ZCWPW2: variants seen among roughly 807,000 people sequenced by gnomAD.
ZCWPW2 encodes zinc finger CW-type PWWP domain protein 2.
Under a neutral mutation model 46.6 loss-of-function variants are expected in ZCWPW2, and 45 were observed. The observed-to-expected ratio is 0.96, with a 90% CI of 0.76 to 1.24. The LOEUF (loss-of-function observed/expected upper bound fraction) is 1.24. ZCWPW2 is among the 50% of genes most tolerant of loss of function. The pLI, the probability that ZCWPW2 is intolerant of heterozygous loss-of-function variation, is 0.00. For synonymous variants in ZCWPW2, 152 were observed against 137.1 expected, an observed-to-expected ratio of 1.11 and a Z score of -0.76; for missense variants, 429 against 403.9, an observed-to-expected ratio of 1.06 and a Z score of -0.53.
intron 4 of ZCWPW2, among the ~76,000 whole-genome samples, chr3:28,438,982 T>A (rs2125767815): frequency 6.6e-6 from 1 of 151,558 alleles, no homozygotes; most frequent in African/African-American, 2.4e-5. Context: ...TGAGTCTCAG[T>A]GTATTAGTCA....
At chr3:28,365,996 G>A (rs1350078085) in intron 1 of ZCWPW2, among the ~76,000 whole-genome samples, 20 of 150,780 alleles carry the variant, frequency 1.3e-4, no homozygotes, top group South Asian at 6.3e-4. Context: ...TTGATTTTGC[G>A]TCCTGAGACT....
At chr3:28,352,158 ACACACACAC>A (rs1479497055) in intron 1 of ZCWPW2, among the ~76,000 whole-genome samples, 10 of 147,398 alleles carry the variant, frequency 6.8e-5, no homozygotes, top group African/African-American at 1.8e-4. Flanking sequence ...ACACACACAC[ACACACACAC>A]GAGAGAGAAT....
chr3:28,469,114 T>C (rs1698940892), intron 4 of ZCWPW2, among the ~76,000 whole-genome samples: 1 of 152,164 alleles, frequency 6.6e-6, no homozygotes. Flanking sequence ...TTTTGCTTAT[T>C]AGTTTGTTAC....
At chr3:28,412,916 A>T in intron 2 of ZCWPW2, 140 bp from the exon 3 acceptor site, 1 of 600,510 alleles carries the variant, frequency 1.7e-6, no homozygotes, top group Non-Finnish European at 2.8e-6. Context: ...AACGTGTTCA[A>T]CATATGTAGT....
At chr3:28,398,746 G>A (rs963886231) in intron 2 of ZCWPW2, among the ~76,000 whole-genome samples, 1 of 152,172 alleles carries the variant, frequency 6.6e-6, no homozygotes, top group African/African-American at 2.4e-5. Context: ...ATAGAGCCGA[G>A]TGAAATACAG....
intron 2 of ZCWPW2, among the ~76,000 whole-genome samples, chr3:28,402,883 A>G (rs1696005562): frequency 6.6e-6 from 1 of 152,128 alleles, no homozygotes; most frequent in African/African-American, 2.4e-5. Context: ...AAATCAGCAT[A>G]CAAGGAGCAA....
chr3:28,400,068 T>C (rs937805990), intron 2 of ZCWPW2, among the ~76,000 whole-genome samples: 9 of 151,518 alleles, frequency 5.9e-5, no homozygotes, highest in African/African-American at 2.2e-4. Context: ...TTCAGGGAAA[T>C]AGATAGCATA....
chr3:28,472,741 A>C (rs1699084749), intron 4 of ZCWPW2, among the ~76,000 whole-genome samples: 1 of 152,174 alleles, frequency 6.6e-6, no homozygotes, highest in Non-Finnish European at 1.5e-5. Flanking sequence ...ATCAAGTTAA[A>C]AAACTTCTGC....
At chr3:28,489,609 A>G (rs1216886689) in intron 5 of ZCWPW2, among the ~76,000 whole-genome samples, 1 of 151,666 alleles carries the variant, frequency 6.6e-6, no homozygotes, top group Non-Finnish European at 1.5e-5. Flanking sequence ...TGTTTTTCCT[A>G]GTATTCCAAA....
intron 1 of ZCWPW2, among the ~76,000 whole-genome samples, chr3:28,356,577 C>T (rs577068974): frequency 6.8e-4 from 103 of 152,290 alleles, no homozygotes; most frequent in African/African-American, 2.2e-3. Context: ...CGGCACTATT[C>T]ACGATAGCAA....
rs1575185862 is a variant in ZCWPW2, at chr3:28,480,827, C to T, written c.610+1896C>T. Among the ~76,000 whole-genome samples, 3 of 151,046 alleles carry T rather than the reference C, an allele frequency of 2.0e-5. No individual in the cohort carries two copies. The South Asian group carries it at 6.3e-4, about 32-fold the overall frequency. On this transcript the variant is annotated intron_variant, in intron 5 of 9. Coordinates refer to ENST00000383768, the MANE Select transcript of ZCWPW2 (RefSeq NM_001040432.4). ...TATGGCTAGCCAGTTCTCCCAGTACCATTTATTAAGTAGGGAATCCTTTCC... is the reference window on the plus strand; with the variant it reads ...TATGGCTAGCCAGTTCTCCCAGTACTATTTATTAAGTAGGGAATCCTTTCC...
intron 5 of ZCWPW2, among the ~76,000 whole-genome samples, chr3:28,485,622 C>A (rs1304458873): frequency 6.6e-6 from 1 of 152,080 alleles, no homozygotes; most frequent in African/African-American, 2.4e-5. Flanking sequence ...GTATTGACCT[C>A]TTTATTATTA....
chr3:28,478,569 G>A (rs1239314351), intron 4 of ZCWPW2, among the ~76,000 whole-genome samples: 2 of 152,032 alleles, frequency 1.3e-5, no homozygotes, highest in African/African-American at 2.4e-5. Context: ...CTAAGTGTGA[G>A]ATGAATAACA....
intron 4 of ZCWPW2, among the ~76,000 whole-genome samples, chr3:28,438,492 G>T (rs1697589020): frequency 6.6e-6 from 1 of 152,114 alleles, no homozygotes; most frequent in Non-Finnish European, 1.5e-5. Context: ...CTGATCCTTG[G>T]CACAAAGATA....
chr3:28,407,990 C>A (rs1421532190), intron 2 of ZCWPW2, among the ~76,000 whole-genome samples: 1 of 152,122 alleles, frequency 6.6e-6, no homozygotes, highest in Admixed American at 6.5e-5. Context: ...GTAATGGAAT[C>A]AATGAGAATC....
At chr3:28,454,657 G>C (rs1698357767) in intron 4 of ZCWPW2, among the ~76,000 whole-genome samples, 2 of 151,996 alleles carry the variant, frequency 1.3e-5, no homozygotes, top group South Asian at 4.1e-4. Context: ...CCCTCTGACT[G>C]GCCCCAGTGT....
At position 28,425,476 on chromosome 3, in the gene ZCWPW2, G is replaced by A. The variant is rs1696969003; in HGVS notation, c.333-9634G>A. On this transcript the variant is annotated intron_variant, in intron 3 of 9. Coordinates refer to ENST00000383768, the MANE Select transcript of ZCWPW2 (RefSeq NM_001040432.4). The stretch of plus-strand genomic sequence containing the variant: ...AGCCATAGATGTTGAAGCTCCAAGT[G>A]GAAAGATTAGCTGCTGGCCTCAGAG... Among the ~76,000 whole-genome samples the A allele has an allele frequency of 2.0e-5, 3 of 152,272 alleles. No individual in the cohort carries two copies. In the South Asian group the frequency reaches 6.2e-4, roughly 32 times the overall value.
At chr3:28,522,030 C>T (rs1182830379) in intron 9 of ZCWPW2, among the ~76,000 whole-genome samples, 3 of 152,078 alleles carry the variant, frequency 2.0e-5, no homozygotes, top group Non-Finnish European at 4.4e-5. Context: ...TAACAAACAC[C>T]GCATGTTCTC....
Position 28,420,269 on chromosome 3 carries a change from G to T in ZCWPW2, c.332+6869G>T, listed in dbSNP as rs144768489. On this transcript the variant is annotated intron_variant, in intron 3 of 9. Transcript: ENST00000383768. ...TAGATCTTTCCTGCTTTCTCTTGTG[G>T]GCATTTAGTGCTATAAATTTCCCTC... Among the ~76,000 whole-genome samples, 385 of 151,930 alleles carry T rather than the reference G, an allele frequency of 2.5e-3. 1 individual carries two copies. Among genetic ancestry groups the T allele is most frequent in the African/African-American group, 8.4e-3 (349 of 41,428 alleles).
Sources: gnomAD v4.1 joint callset for allele counts (sites outside exome capture counted in the v4.1 genomes callset) on GRCh38, gnomAD v4.1.1 for gene constraint, MANE v1.5 for transcripts, NCBI Gene and HGNC (gene_info 2026-07-23, HGNC 2026-07-21) for gene names.